The following ATP11A variants were observed in gnomAD, a reference collection of about 807,000 sequenced individuals.
ATP11A encodes ATPase phospholipid transporting 11A.
Under a neutral mutation model 154.4 loss-of-function variants are expected in ATP11A, and 81 were observed. The ratio of observed to expected loss-of-function variants is 0.52; its 90% CI spans 0.44 to 0.63. ATP11A has a LOEUF of 0.63. ATP11A is among the 30% of genes least tolerant of loss of function. The pLI, the probability that ATP11A is intolerant of heterozygous loss-of-function variation, is 0.00. For missense variants in ATP11A, 1,316 were observed against 1,474.3 expected (o/e 0.89, Z 1.76); for synonymous variants, 623 against 585.9 (o/e 1.06, Z -0.91).
In ATP11A at chr13:112,873,766, C is replaced by T. The variant is rs1384602506; in HGVS notation, c.3161+90C>T. On this transcript the variant is annotated intron_variant, in intron 27 of 29. Coordinates refer to ENST00000375645, the MANE Select transcript of ATP11A (RefSeq NM_015205.3). The stretch of plus-strand genomic sequence containing the variant: ...GGTTGAAGACACATTTTCCGTGCGG[C>T]CCTGTTGGTTGGGGCAAGTGTTTGT... 9 of 1,314,874 alleles carry T rather than the reference C, an allele frequency of 6.8e-6. No homozygotes were observed. The Admixed American group carries it at 7.7e-5, about 11-fold the overall frequency. The allele number at this position is 1,314,874 out of a possible 1,614,324, so 81.5% of individuals were successfully genotyped here.
chr13:112,816,181 C>T lies in ATP11A; in HGVS notation c.540C>T (p.Thr180=), dbSNP rs201066123. 18 of 1,614,156 alleles carry T rather than the reference C, an allele frequency of 1.1e-5. No individual in the cohort carries two copies. The highest frequency in any genetic ancestry group is 2.2e-5 in the East Asian group (1 of 44,870). Residue 180 remains threonine (T), a synonymous_variant, in exon 6 of 30, where the codon ACC becomes ACT. Coordinates refer to ENST00000375645, the MANE Select transcript of ATP11A (RefSeq NM_015205.3). ...GAGATGGGACGTGCCACGTCACCAC[C>T]GCCAGCTTGGATGGAGAATCCAGCC... ...NRGDGTCHVT[T]ASLDGESSHK...
intron 4 of ATP11A, 100 bp from the exon 5 acceptor site, chr13:112,810,519 C>G: frequency 1.0e-6 from 1 of 982,454 alleles, no homozygotes; most frequent in Non-Finnish European, 1.6e-6. Flanking sequence ...TTGGATTATG[C>G]TTAGACATAA....
At chr13:112,769,331 C>G (rs2077172500) in intron 1 of ATP11A, among the ~76,000 whole-genome samples, 1 of 152,224 alleles carries the variant, frequency 6.6e-6, no homozygotes, top group Admixed American at 6.5e-5. Flanking sequence ...GCAGGTGCAG[C>G]ACAGCCTTGG....
chr13:112,855,888 T>C, intron 19 of ATP11A, 23 bp from the exon 20 acceptor site: 1 of 1,578,192 alleles, frequency 6.3e-7, no homozygotes, highest in African/African-American at 1.4e-5. Flanking sequence ...TGAGCAATCT[T>C]TCTGACTCAC....
chr13:112,883,666 G>C lies in ATP11A; in HGVS notation c.*1800G>C, dbSNP rs893028997. On this transcript the variant is annotated 3_prime_UTR_variant, in exon 30 of 30. Coordinates refer to ENST00000375645, the MANE Select transcript of ATP11A (RefSeq NM_015205.3). Reference sequence around the variant, plus strand: ...ACATCACACCAAAGATGAGGGTAGCGAGCAACTGGCTTGAGCAGACAGAAC... The same window carrying C: ...ACATCACACCAAAGATGAGGGTAGCCAGCAACTGGCTTGAGCAGACAGAAC... 1 of 152,852 alleles carries C rather than the reference G, an allele frequency of 6.5e-6. No individual in the cohort carries two copies. The highest frequency in any genetic ancestry group is 1.5e-5 in the Non-Finnish European group (1 of 68,160). The allele number at this position is 152,852 out of a possible 1,614,324, so 9.5% of individuals were successfully genotyped here. A position where few individuals can be genotyped will look rare whatever the true frequency, so the allele number is the denominator to read the frequency against.
At chr13:112,706,086 C>G (rs1256382922) in intron 1 of ATP11A, among the ~76,000 whole-genome samples, 1 of 152,022 alleles carries the variant, frequency 6.6e-6, no homozygotes, top group African/African-American at 2.4e-5. Flanking sequence ...GGGCAACACT[C>G]TTTTTTTTCA....
intron 1 of ATP11A, among the ~76,000 whole-genome samples, chr13:112,735,017 C>T (rs757149724): frequency 2.0e-5 from 3 of 152,112 alleles, no homozygotes; most frequent in Non-Finnish European, 4.4e-5. Flanking sequence ...TTAAACACAA[C>T]ATAAAAGAGG....
At chr13:112,808,312 G>A (rs903884657) in intron 4 of ATP11A, among the ~76,000 whole-genome samples, 2 of 151,988 alleles carry the variant, frequency 1.3e-5, no homozygotes, top group African/African-American at 4.8e-5. Context: ...AGGGCAAGGC[G>A]GCAAATGAAC....
chr13:112,814,637 G>A (rs1031424560), intron 5 of ATP11A, among the ~76,000 whole-genome samples: 4 of 152,132 alleles, frequency 2.6e-5, no homozygotes, highest in East Asian at 3.9e-4. Context: ...ACGGAGTGGC[G>A]CTTGTACTCT....
At chr13:112,710,817 G>C (rs1439729850) in intron 1 of ATP11A, among the ~76,000 whole-genome samples, 1 of 152,236 alleles carries the variant, frequency 6.6e-6, no homozygotes, top group Non-Finnish European at 1.5e-5. Flanking sequence ...AGCTCTGGTT[G>C]GTCTTCACCT....
intron 4 of ATP11A, 41 bp downstream of exon 4, chr13:112,806,334 C>T (rs1053573935): frequency 6.8e-7 from 1 of 1,481,476 alleles, no homozygotes; most frequent in African/African-American, 1.4e-5. Context: ...TCGTCATCTT[C>T]ACCATGTGAA....
At chr13:112,717,365 C>G (rs1334507550) in intron 1 of ATP11A, 1 of 152,202 alleles carries the variant, frequency 6.6e-6, no homozygotes, top group Non-Finnish European at 1.5e-5. Context: ...AGCTCTCTGC[C>G]TCCTTGACTG....
chr13:112,714,416 G>A (rs372076421), intron 1 of ATP11A, among the ~76,000 whole-genome samples: 2 of 152,104 alleles, frequency 1.3e-5, no homozygotes, highest in Non-Finnish European at 2.9e-5. Context: ...TGGCTGGCTC[G>A]TCAGGGAGCG....
chr13:112,848,103 G>A (rs908860494), intron 17 of ATP11A, among the ~76,000 whole-genome samples: 3 of 152,188 alleles, frequency 2.0e-5, no homozygotes, highest in Non-Finnish European at 2.9e-5. Context: ...AAAAAGAAAC[G>A]GAGGAAGGGC....
intron 1 of ATP11A, among the ~76,000 whole-genome samples, chr13:112,729,488 C>T (rs1391561976): frequency 2.0e-5 from 3 of 150,606 alleles, no homozygotes; most frequent in East Asian, 1.9e-4. Context: ...AACGCGTCTG[C>T]GTGTGAACAG....
intron 6 of ATP11A, among the ~76,000 whole-genome samples, chr13:112,816,575 C>G (rs1342201257): frequency 6.6e-6 from 1 of 152,158 alleles, no homozygotes; most frequent in Non-Finnish European, 1.5e-5. Context: ...CTCGATGCGG[C>G]AAAACCCTGA....
chr13:112,875,962 G>C lies in ATP11A; in HGVS notation c.3327+21G>C. 6.3e-7 allele frequency: 1 copy of C among 1,596,468 alleles called. No individual in the cohort carries two copies. Among genetic ancestry groups the C allele is most frequent in the Non-Finnish European group, 8.5e-7 (1 of 1,172,606 alleles). ...TCCAGGTACGGAGTGTCCCCAGCCG[G>C]GGCGGGGGTGCCTCAGGGCCCTGGC... On this transcript the variant is annotated intron_variant, in intron 28 of 29. Transcript: ENST00000375645. The surrounding 1 kb of genome is among the most constrained non-coding windows in gnomAD (Gnocchi z 4.1).
intron 1 of ATP11A, among the ~76,000 whole-genome samples, chr13:112,770,512 G>A (rs750676690): frequency 5.3e-5 from 8 of 152,334 alleles, no homozygotes; most frequent in Admixed American, 2.0e-4. Context: ...CCAGTGGCTC[G>A]GACCAAGGAG....
chr13:112,702,759 C>T (rs1367876387), intron 1 of ATP11A, among the ~76,000 whole-genome samples: 1 of 152,244 alleles, frequency 6.6e-6, no homozygotes, highest in Admixed American at 6.5e-5. Context: ...AGGCATGGGT[C>T]TGAGGGCTTT....
Sources: gnomAD v4.1 joint callset for allele counts (sites outside exome capture counted in the v4.1 genomes callset) on GRCh38, gnomAD v4.1.1 for gene constraint, Gnocchi (gnomAD v3.1) non-coding constraint, MANE v1.5 for transcripts, NCBI Gene and HGNC (gene_info 2026-07-23, HGNC 2026-07-21) for gene names.